IGSF8: variants seen among roughly 807,000 people sequenced by gnomAD.
The protein encoded by IGSF8 is immunoglobulin superfamily member 8.
Under a neutral mutation model 55.5 loss-of-function variants are expected in IGSF8, and 46 were observed. The observed-to-expected ratio is 0.83, with a 90% CI of 0.65 to 1.06. The LOEUF (loss-of-function observed/expected upper bound fraction) is 1.06, where lower values mean the gene tolerates loss of function less well. Among genes scored for constraint, IGSF8 ranks in the 50% least tolerant of loss-of-function variants. The pLI is 0.00. For missense variants in IGSF8, 731 were observed against 832.3 expected, an observed-to-expected ratio of 0.88 and a Z score of 1.50; for synonymous variants, 314 against 356.1, an observed-to-expected ratio of 0.88 and a Z score of 1.33.
At chr1:160,096,342 G>A (rs534783935) in intron 1 of IGSF8, among the ~76,000 whole-genome samples, 74 of 152,340 alleles carry the variant, frequency 4.9e-4, no homozygotes, top group African/African-American at 1.7e-3. Flanking sequence ...CCAAGATCAT[G>A]CTGTCCCTAG....
chr1:160,092,187 G>T, intron 5 of IGSF8, 95 bp downstream of exon 5: 1 of 1,304,860 alleles, frequency 7.7e-7, no homozygotes, highest in South Asian at 1.2e-5. Context: ...GGAGGAGAGA[G>T]ATAGTAGCAG....
At chr1:160,098,238 C>G (rs1375236576) in intron 1 of IGSF8, among the ~76,000 whole-genome samples, 171 bp downstream of exon 1, 1 of 152,254 alleles carries the variant, frequency 6.6e-6, no homozygotes, top group Non-Finnish European at 1.5e-5. Context: ...CTGCACTCTT[C>G]CCAAGACTGG....
At position 160,095,193 on chromosome 1, in the gene IGSF8, C is replaced by T. The variant is rs779628536; in HGVS notation, c.118G>A (p.Val40Met). Residue 40 changes from valine to methionine, a missense_variant, in exon 2 of 7, where the codon GTG becomes ATG. Coordinates refer to ENST00000314485, the MANE Select transcript of IGSF8 (RefSeq NM_052868.6). ...GAGATGGAGACAGCTGTGCCAGCCA[C>T]GCGGTACAAGGGCCCCTCGGGGACC... ...VLVPEGPLYR[V>M]AGTAVSISCN... 3.7e-6 allele frequency: 6 copies of T among 1,610,210 alleles called. No homozygotes were observed. The highest frequency in any genetic ancestry group is 1.7e-5 in the Admixed American group (1 of 60,014).
In IGSF8 at chr1:160,094,316, G is replaced by A. The variant is rs367771494; in HGVS notation, c.443-145C>T. The A allele has an allele frequency of 7.8e-4, 494 of 631,556 alleles. 7 individuals are homozygous for A. In the South Asian group the frequency reaches 8.7e-3, roughly 11 times the overall value. The allele number at this position is 631,556 out of a possible 1,614,324, so 39.1% of individuals were successfully genotyped here. A position where few individuals can be genotyped will look rare whatever the true frequency, so the allele number is the denominator to read the frequency against. ...TGTATTATTTCTTCTGTAACTCAGT[G>A]GTGCCAAGGGCAGTACTGGGCACAG... On this transcript the variant is annotated intron_variant, in intron 2 of 6. Transcript: ENST00000314485. The surrounding 1 kb of genome is among the most constrained non-coding windows in gnomAD (Gnocchi z 4.0).
chr1:160,093,288 G>A lies in IGSF8; in HGVS notation c.948C>T (p.Ile316=), dbSNP rs747155585. The A allele has an allele frequency of 2.2e-5, 35 of 1,604,866 alleles. No homozygotes were observed. Among genetic ancestry groups the A allele is most frequent in the South Asian group, 5.5e-5 (5 of 90,616 alleles). ...AVTVGPGERR[I]GPGEPLELLC... is the part of the protein sequence containing the mutation. ...GCAGTTCCAAGGGCTCCCCTGGGCC[G>A]ATCCGACGTTCACCAGGCCCCACTG... Residue 316 remains isoleucine, a synonymous_variant, in exon 4 of 7, where the codon ATC becomes ATT. Transcript: ENST00000314485.
intron 3 of IGSF8, 127 bp downstream of exon 3, chr1:160,093,583 G>A: frequency 1.2e-6 from 1 of 846,076 alleles, no homozygotes; most frequent in Non-Finnish European, 1.8e-6. Context: ...TAGCAAGGCT[G>A]CTCACTCTGT....
chr1:160,092,894 A>G (rs1280535503), intron 4 of IGSF8, 30 bp downstream of exon 4: 1 of 1,570,118 alleles, frequency 6.4e-7, no homozygotes, highest in South Asian at 1.2e-5. Context: ...ACAATCCTCG[A>G]ACCCCGTCCA....
chr1:160,095,064 C>T lies in IGSF8; in HGVS notation c.247G>A (p.Asp83Asn). 1 of 1,614,168 alleles carries T rather than the reference C, an allele frequency of 6.2e-7. No individual in the cohort carries two copies. Among genetic ancestry groups the T allele is most frequent in the South Asian group, 1.1e-5 (1 of 91,086 alleles). The change falls in exon 2 of 7, where the codon GAT (aspartate) becomes AAT (asparagine). Residue 83 changes from aspartate (D) to asparagine (N), a missense_variant. Transcript: ENST00000314485. ...DTALGIVSTK[D>N]TQFSYAVFKS... ...AAGACAGCATAGGAGAACTGGGTAT[C>T]CTTGGTACTGACAATGCCCAGTGCA...
chr1:160,098,607 G>A lies in IGSF8; in HGVS notation c.-135C>T. On this transcript the variant is annotated 5_prime_UTR_variant, in exon 1 of 7. Transcript: ENST00000314485. ...GTGGGTGCGCCGAGCGAGCTGAACTGGAGCTGCCGAATCCCCTCCCTCCGC... is the reference window on the plus strand; with the variant it reads ...GTGGGTGCGCCGAGCGAGCTGAACTAGAGCTGCCGAATCCCCTCCCTCCGC... 1.7e-6 allele frequency: 1 copy of A among 596,232 alleles called. No homozygotes were observed. The highest frequency in any genetic ancestry group is 2.9e-6 in the Non-Finnish European group (1 of 346,370). The allele number at this position is 596,232 out of a possible 1,614,324, so 36.9% of individuals were successfully genotyped here.
In IGSF8 at chr1:160,092,330, C is replaced by G; in HGVS notation, c.1678G>C (p.Ala560Pro). 3.1e-6 allele frequency: 5 copies of G among 1,614,096 alleles called. No homozygotes were observed. Among genetic ancestry groups the G allele is most frequent in the Non-Finnish European group, 4.2e-6 (5 of 1,179,948 alleles). The change falls in exon 5 of 7, where the codon GCG becomes CCG. Residue 560 changes from alanine (A) to proline (P), a missense_variant. Transcript: ENST00000314485. ...VQHADYSWYQ[A>P]GSARSGPVTV... ...ACAGGCCCTGAGCGGGCACTGCCCG[C>G]CTGGTACCAGCTGTAGTCGGCATGC... is the stretch of plus-strand genomic sequence containing the variant.
At position 160,091,789 on chromosome 1, in the gene IGSF8, G is replaced by T. The variant is rs779064822; in HGVS notation, c.*15+19C>A. 3 of 1,486,804 alleles carry T rather than the reference G, an allele frequency of 2.0e-6. No individual in the cohort carries two copies. The South Asian group carries it at 3.4e-5, about 17-fold the overall frequency. 92.1% of individuals were successfully genotyped at this position (1,486,804 alleles called of 1,614,324 possible). Reference sequence around the variant, plus strand: ...GGGAAGCCCAATGAAAACAAGGTTGGGGGGTTCTTTTCCCTCACCTGGGGA... The same window carrying T: ...GGGAAGCCCAATGAAAACAAGGTTGTGGGGTTCTTTTCCCTCACCTGGGGA... On this transcript the variant is annotated intron_variant, in intron 6 of 6. Coordinates refer to ENST00000314485, the MANE Select transcript of IGSF8 (RefSeq NM_052868.6).
chr1:160,093,229 C>T lies in IGSF8; in HGVS notation c.1007G>A (p.Gly336Asp), dbSNP rs773149050. ...CNVSGALPPA[G>D]RHAAYSVGWE... ...ACCTACAGAGTATGCAGCATGACGG[C>T]CTGCTGGGGGAAGTGCCCCTGACAC... Residue 336 changes from glycine (G) to aspartate (D), a missense_variant, in exon 4 of 7, where the codon GGC (glycine) becomes GAC (aspartate). Transcript: ENST00000314485. 2 of 1,613,986 alleles carry T rather than the reference C, an allele frequency of 1.2e-6. No homozygotes were observed. Among genetic ancestry groups the T allele is most frequent in the African/African-American group, 2.7e-5 (2 of 74,930 alleles).
chr1:160,096,551 G>T lies in IGSF8; in HGVS notation c.65-1305C>A, dbSNP rs188626217. 2.6e-5 allele frequency among the ~76,000 whole-genome samples: 4 copies of T among 152,208 alleles called. No homozygotes were observed. The South Asian group carries it at 8.3e-4, about 32-fold the overall frequency. On this transcript the variant is annotated intron_variant, in intron 1 of 6. Transcript: ENST00000314485. ...CAAACTCTACCCTCCAGCTTCTCTA[G>T]AACGGCTCCTCTGAACTTCCCCACC... is the stretch of plus-strand genomic sequence containing the variant.
At position 160,092,673 on chromosome 1, in the gene IGSF8, T is replaced by G. The variant is rs373695145; in HGVS notation, c.1335A>C (p.Ala445=). 6.2e-6 allele frequency: 10 copies of G among 1,600,270 alleles called. No homozygotes were observed. Among genetic ancestry groups the G allele is most frequent in the Non-Finnish European group, 8.5e-6 (10 of 1,179,910 alleles). ...GGTACACTGTGCCTCCTGCTAGCCA[T>G]GCCACAGCCTCCAGCACCACACCTG... ...REEGVVLEAV[A]WLAGGTVYRG... Residue 445 remains alanine (A), a synonymous_variant, in exon 5 of 7, where the codon GCA becomes GCC. Transcript: ENST00000314485.
chr1:160,092,906 G>A lies in IGSF8; in HGVS notation c.1312+18C>T. 1.3e-6 allele frequency: 2 copies of A among 1,581,134 alleles called. No individual in the cohort carries two copies. The highest frequency in any genetic ancestry group is 2.3e-5 in the South Asian group (2 of 88,158). On this transcript the variant is annotated intron_variant, in intron 4 of 6. Coordinates refer to ENST00000314485, the MANE Select transcript of IGSF8 (RefSeq NM_052868.6). ...TTGACAATCCTCGAACCCCGTCCAG[G>A]GCCCAGCCCCCTCTCACCTTCCTCC...
intron 1 of IGSF8, among the ~76,000 whole-genome samples, chr1:160,096,846 CAG>C (rs1479472430): frequency 3.3e-5 from 5 of 152,226 alleles, no homozygotes; most frequent in African/African-American, 9.6e-5. Context: ...GTTTCATAAT[CAG>C]AGTGACGGTG....
chr1:160,091,812 G>A lies in IGSF8; in HGVS notation c.*11C>T, dbSNP rs959503222. On this transcript the variant is annotated 3_prime_UTR_variant, in exon 6 of 7. Coordinates refer to ENST00000314485, the MANE Select transcript of IGSF8 (RefSeq NM_052868.6). ...TGGGGGGTTCTTTTCCCTCACCTGG[G>A]GAGTAAGGGATCACCGTTTTCGAAG... is the stretch of plus-strand genomic sequence containing the variant. The A allele has an allele frequency of 6.3e-7, 1 of 1,576,876 alleles. No individual in the cohort carries two copies. The highest frequency in any genetic ancestry group is 1.3e-5 in the African/African-American group (1 of 74,302).
intron 1 of IGSF8, chr1:160,097,868 C>A: frequency 1.0e-6 from 1 of 985,462 alleles, no homozygotes; most frequent in Non-Finnish European, 1.2e-6. Context: ...CAAAGAGGGA[C>A]CCAACCCAGG....
At position 160,093,754 on chromosome 1, in the gene IGSF8, G is replaced by A. The variant is rs778685323; in HGVS notation, c.860C>T (p.Ala287Val). 7 of 1,613,236 alleles carry A rather than the reference G, an allele frequency of 4.3e-6. No individual in the cohort carries two copies. The highest frequency in any genetic ancestry group is 5.1e-6 in the Non-Finnish European group (6 of 1,179,562). ...QDPDGSWAQI[A>V]EKRAVLAHVD... ...GTGGGCCAGGACGGCCCTTTTCTCT[G>A]CAATCTGGGCCCAGCTGCCATCAGG... is the stretch of plus-strand genomic sequence containing the variant. The change falls in exon 3 of 7, where the codon GCA becomes GTA. Residue 287 changes from alanine (A) to valine (V), a missense_variant. Physicochemically the swap from Ala to Val is moderately conservative, Grantham distance 64. Coordinates refer to ENST00000314485, the MANE Select transcript of IGSF8 (RefSeq NM_052868.6).
Sources: gnomAD v4.1 joint callset for allele counts (sites outside exome capture counted in the v4.1 genomes callset) on GRCh38, gnomAD v4.1.1 for gene constraint, Gnocchi (gnomAD v3.1) non-coding constraint, MANE v1.5 for transcripts, NCBI Gene and HGNC (gene_info 2026-07-23, HGNC 2026-07-21) for gene names.